PANK2: variants seen among roughly 807,000 people sequenced by gnomAD.
The protein encoded by PANK2 is pantothenate kinase 2.
Under a neutral mutation model 43.1 loss-of-function variants are expected in PANK2, and 36 were observed. The observed-to-expected ratio is 0.84, with a 90% CI of 0.64 to 1.10. PANK2 has a LOEUF of 1.10. PANK2 is among the 50% of genes least tolerant of loss of function. The pLI is 0.00. For synonymous variants in PANK2, 281 were observed against 238.2 expected (o/e 1.18, Z -1.66); for missense variants, 576 against 593.3 (o/e 0.97, Z 0.30).
chr20:3,890,931 A>G (rs938405069), intron 1 of PANK2, among the ~76,000 whole-genome samples: 1 of 152,358 alleles, frequency 6.6e-6, no homozygotes, highest in African/African-American at 2.4e-5. Flanking sequence ...CTGAGTTTGA[A>G]GCAATGCAAA....
intron 1 of PANK2, among the ~76,000 whole-genome samples, chr20:3,890,379 G>A (rs1196258971): frequency 6.6e-6 from 1 of 152,192 alleles, no homozygotes; most frequent in African/African-American, 2.4e-5. Flanking sequence ...GTTTTGAGGG[G>A]AAACAACATC....
At chr20:3,896,337 C>T (rs1183666251) in intron 1 of PANK2, among the ~76,000 whole-genome samples, 3 of 151,384 alleles carry the variant, frequency 2.0e-5, no homozygotes, top group Admixed American at 6.6e-5. Context: ...CTTGGCCTCC[C>T]GAAGTGCTGG....
At chr20:3,901,378 C>T (rs368125395) in intron 1 of PANK2, among the ~76,000 whole-genome samples, 3 of 150,840 alleles carry the variant, frequency 2.0e-5, no homozygotes, top group East Asian at 3.9e-4. Flanking sequence ...TTCCCCATTT[C>T]TTGTCAATCA....
intron 3 of PANK2, among the ~76,000 whole-genome samples, chr20:3,911,867 GC>G (rs2090473660): frequency 6.6e-6 from 1 of 151,450 alleles, no homozygotes; most frequent in African/African-American, 2.4e-5. Context: ...TCTAGCCTGG[GC>G]AAAAAGAGCT....
chr20:3,891,367 C>T (rs1361100691), intron 1 of PANK2: 2 of 152,070 alleles, frequency 1.3e-5, no homozygotes, highest in Non-Finnish European at 2.9e-5. Context: ...ACCTGGCAGT[C>T]GTCTACTAAG....
chr20:3,899,334 G>A (rs1298769128), intron 1 of PANK2, among the ~76,000 whole-genome samples: 1 of 151,496 alleles, frequency 6.6e-6, no homozygotes, highest in African/African-American at 2.4e-5. Context: ...ACCATGCCCG[G>A]CTAATTTTTT....
chr20:3,888,983 G>GAAAAAA, upstream of PANK2: 1 of 784,632 alleles, frequency 1.3e-6, no homozygotes, highest in Admixed American at 3.0e-5. Context: ...GCTGGAGGAG[G>GAAAAAA]GCTCGAGCTG....
chr20:3,906,583 T>C (rs1163923266), intron 1 of PANK2, among the ~76,000 whole-genome samples: 5 of 152,142 alleles, frequency 3.3e-5, no homozygotes, highest in Non-Finnish European at 5.9e-5. Flanking sequence ...GATTTAATAA[T>C]GAATAATATA....
chr20:3,917,980 G>A (rs865870103), intron 5 of PANK2, among the ~76,000 whole-genome samples: 1 of 152,134 alleles, frequency 6.6e-6, no homozygotes. Context: ...TTGGCATTTG[G>A]TTGCTTGCTC....
intron 1 of PANK2, among the ~76,000 whole-genome samples, chr20:3,894,912 T>G (rs2090180624): frequency 6.6e-6 from 1 of 152,156 alleles, no homozygotes; most frequent in South Asian, 2.1e-4. Flanking sequence ...AGTTGGATAA[T>G]ATGGTTGTTT....
intron 6 of PANK2, among the ~76,000 whole-genome samples, chr20:3,922,937 T>G (rs2090669103): frequency 6.6e-6 from 1 of 152,170 alleles, no homozygotes; most frequent in Admixed American, 6.6e-5. Flanking sequence ...TCAGGTTCTG[T>G]CTCTTACCAG....
intron 1 of PANK2, 147 bp downstream of exon 1, chr20:3,889,875 G>A (rs2146806841): frequency 6.5e-7 from 1 of 1,532,828 alleles, no homozygotes; most frequent in South Asian, 1.2e-5. Flanking sequence ...CTGACATCCG[G>A]CTGGAGGCCT....
intron 1 of PANK2, among the ~76,000 whole-genome samples, chr20:3,896,793 G>T (rs545679420): frequency 1.3e-5 from 2 of 152,316 alleles, no homozygotes; most frequent in Non-Finnish European, 2.9e-5. Context: ...CCCCTATACT[G>T]TGTACTATGC....
intron 1 of PANK2, among the ~76,000 whole-genome samples, chr20:3,901,180 T>C (rs1045743473): frequency 4.6e-5 from 7 of 151,892 alleles, no homozygotes; most frequent in African/African-American, 1.7e-4. Context: ...CCTCAGCCCC[T>C]GGAGTAGCTG....
chr20:3,928,058 CTTA>C lies in PANK2; in HGVS notation c.*4768_*4770del, dbSNP rs1407258364. The stretch of plus-strand genomic sequence containing the variant: ...CACACTCCCCAGCACATGGGGATCC[CTTA>C]TTAATCTTTACTAAAGAACCGTGAA... On this transcript the variant is annotated 3_prime_UTR_variant, in exon 7 of 7. Coordinates refer to ENST00000610179, the MANE Select transcript of PANK2 (RefSeq NM_001386393.1). The C allele has an allele frequency of 6.6e-6, 1 of 152,176 alleles. No individual in the cohort carries two copies. The highest frequency in any genetic ancestry group is 2.4e-5 in the African/African-American group (1 of 41,440). The allele number at this position is 152,176 out of a possible 1,614,324, so 9.4% of individuals were successfully genotyped here. A position where few individuals can be genotyped will look rare whatever the true frequency, so the allele number is the denominator to read the frequency against.
intron 1 of PANK2, among the ~76,000 whole-genome samples, chr20:3,894,916 G>T (rs2090180765): frequency 6.6e-6 from 1 of 152,190 alleles, no homozygotes; most frequent in Non-Finnish European, 1.5e-5. Context: ...GGATAATATG[G>T]TTGTTTAGTG....
chr20:3,910,574 C>T lies in PANK2; in HGVS notation c.652-3C>T, dbSNP rs771948813. ...GTCTGAGTACATTCTTATTTCATTA[C>T]AGATAGGTGATCTTCAGCTTTGCAA... On this transcript the variant is annotated splice_region_variant and splice_polypyrimidine_tract_variant and intron_variant, in intron 2 of 6. Coordinates refer to ENST00000610179, the MANE Select transcript of PANK2 (RefSeq NM_001386393.1). 1.9e-6 allele frequency: 3 copies of T among 1,614,002 alleles called. No individual in the cohort carries two copies. Among genetic ancestry groups the T allele is most frequent in the South Asian group, 2.2e-5 (2 of 91,082 alleles).
Position 3,889,558 on chromosome 20 carries a change from G to C in PANK2, c.128G>C (p.Gly43Ala). 1 of 1,431,514 alleles carries C rather than the reference G, an allele frequency of 7.0e-7. No homozygotes were observed. Among genetic ancestry groups the C allele is most frequent in the Non-Finnish European group, 9.1e-7 (1 of 1,103,672 alleles). The allele number at this position is 1,431,514 out of a possible 1,614,324, so 88.7% of individuals were successfully genotyped here. Reference sequence around the variant, plus strand: ...TCGTCGGCTGGGGAGCAGGCGGCCGGGGACCCCGAAGGGCGGCGGCAGGAG... The same window carrying C: ...TCGTCGGCTGGGGAGCAGGCGGCCGCGGACCCCGAAGGGCGGCGGCAGGAG... The change falls in exon 1 of 7, where the codon GGG becomes GCG. Residue 43 changes from glycine to alanine, a missense_variant. Physicochemically the swap from Gly to Ala is moderately conservative, Grantham distance 60. Coordinates refer to ENST00000610179, the MANE Select transcript of PANK2 (RefSeq NM_001386393.1).
At chr20:3,907,346 A>C (rs1346593335) in intron 1 of PANK2, among the ~76,000 whole-genome samples, 1 of 151,902 alleles carries the variant, frequency 6.6e-6, no homozygotes, top group Non-Finnish European at 1.5e-5. Flanking sequence ...TGATCCACCC[A>C]CCTTGGCCTC....
Sources: gnomAD v4.1 joint callset for allele counts (sites outside exome capture counted in the v4.1 genomes callset) on GRCh38, gnomAD v4.1.1 for gene constraint, MANE v1.5 for transcripts, NCBI Gene and HGNC (gene_info 2026-07-23, HGNC 2026-07-21) for gene names.